Variants in XRN1 observed in about 807,000 individuals in gnomAD.
XRN1 encodes 5'-3' exoribonuclease 1.
A neutral mutation model predicts 222.3 loss-of-function variants in XRN1; 67 were observed. The observed-to-expected ratio is 0.30, with a 90% CI of 0.25 to 0.37. XRN1 has a LOEUF of 0.37. Among genes scored for constraint, XRN1 ranks in the 10% least tolerant of loss-of-function variants. XRN1 has a pLI of 1.00. For synonymous variants in XRN1, 643 were observed against 652.4 expected, an observed-to-expected ratio of 0.99 and a Z score of 0.22; for missense variants, 1,707 against 2,000.2, an observed-to-expected ratio of 0.85 and a Z score of 2.80.
At chr3:142,355,892 C>T (rs1394523533) in intron 31 of XRN1, among the ~76,000 whole-genome samples, 1 of 152,088 alleles carries the variant, frequency 6.6e-6, no homozygotes, top group Admixed American at 6.6e-5. Flanking sequence ...GTTGGGGTTA[C>T]AGATGTGAGC....
Position 142,380,119 on chromosome 3 carries a change from C to T in XRN1, c.2678G>A (p.Cys893Tyr). 1 of 1,613,912 alleles carries T rather than the reference C, an allele frequency of 6.2e-7. No individual in the cohort carries two copies. The highest frequency in any genetic ancestry group is 1.3e-5 in the African/African-American group (1 of 75,022). ...GRIRVIFSIP[C>Y]EPNLDALIQN... ...TATTAAAGCATCAAGATTGGGTTCA[C>T]ATGGAATGCTGAAAATCACACGAAT... The change falls in exon 23 of 41, where the codon TGT becomes TAT. Residue 893 changes from cysteine to tyrosine, a missense_variant. By Grantham distance (194) the Cys-to-Tyr change is radical. Coordinates refer to ENST00000392981, the MANE Select transcript of XRN1 (RefSeq NM_001282857.2).
chr3:142,318,567 T>C (rs1202008897), intron 39 of XRN1, 25 bp downstream of exon 39: 14 of 1,555,836 alleles, frequency 9.0e-6, no homozygotes, highest in Non-Finnish European at 1.2e-5. Flanking sequence ...CAATGACAAA[T>C]ACTTATAAAT....
At chr3:142,429,656 A>G (rs988365302) in intron 2 of XRN1, 2 of 152,230 alleles carry the variant, frequency 1.3e-5, no homozygotes, top group Non-Finnish European at 2.9e-5. Flanking sequence ...GTTATAATGC[A>G]TTGGCCCTCA....
At position 142,432,211 on chromosome 3, in the gene XRN1, A is replaced by AATTATATATAAAATTT. The variant is rs1559880735; in HGVS notation, c.308+449_308+450insAAATTTTATATATAAT. Among the ~76,000 whole-genome samples the AATTATATATAAAATTT allele has an allele frequency of 2.2e-4, 22 of 100,560 alleles. 1 individual carries two copies. Among genetic ancestry groups the AATTATATATAAAATTT allele is most frequent in the African/African-American group, 8.8e-4 (22 of 24,862 alleles). 66.0% of individuals were successfully genotyped at this position (100,560 alleles called of 152,430 possible). ...TATAAAATTTATTTTATATATAATT[A>AATTATATATAAAATTT]ATTATATATATAATTAATTATATAT... On this transcript the variant is annotated intron_variant, in intron 2 of 40. Transcript: ENST00000392981.
chr3:142,337,143 C>T (rs2065872577), intron 33 of XRN1, among the ~76,000 whole-genome samples: 1 of 152,108 alleles, frequency 6.6e-6, no homozygotes, highest in South Asian at 2.1e-4. Context: ...ATTTCCTCTA[C>T]TGGAAAGTTC....
intron 39 of XRN1, among the ~76,000 whole-genome samples, chr3:142,316,214 C>CTTTTTTTTTTTTTT (rs377522108): frequency 8.9e-6 from 1 of 111,842 alleles, no homozygotes; most frequent in African/African-American, 3.4e-5. Context: ...TCATTATCTT[C>CTTTTTTTTTTTTTT]TTTTTTTTTT....
In XRN1 at chr3:142,441,337, T is replaced by A. The variant is rs561540223; in HGVS notation, c.75+6533A>T. 6.6e-5 allele frequency among the ~76,000 whole-genome samples: 10 copies of A among 152,318 alleles called. No homozygotes were observed. In the South Asian group the frequency reaches 2.1e-3, roughly 32 times the overall value. On this transcript the variant is annotated intron_variant, in intron 1 of 40. Coordinates refer to ENST00000392981, the MANE Select transcript of XRN1 (RefSeq NM_001282857.2). ...GAAAGCCAATACCCATTTAGTAAGATGGACACCTGAAGCAGAAGTGGCTTT... is the reference window on the plus strand; with the variant it reads ...GAAAGCCAATACCCATTTAGTAAGAAGGACACCTGAAGCAGAAGTGGCTTT...
intron 15 of XRN1, among the ~76,000 whole-genome samples, chr3:142,412,328 C>T (rs994497192): frequency 4.6e-5 from 7 of 152,090 alleles, no homozygotes; most frequent in African/African-American, 1.7e-4. Flanking sequence ...TAATATTACT[C>T]CTTGTTCTGA....
chr3:142,360,320 A>C (rs368279942), intron 29 of XRN1, among the ~76,000 whole-genome samples: 2 of 152,274 alleles, frequency 1.3e-5, no homozygotes, highest in East Asian at 3.9e-4. Context: ...TTTTCTTTCA[A>C]CATTATATTT....
chr3:142,326,924 G>A (rs1161104190), intron 37 of XRN1, among the ~76,000 whole-genome samples: 1 of 151,998 alleles, frequency 6.6e-6, no homozygotes, highest in Non-Finnish European at 1.5e-5. Flanking sequence ...CACAGTTATT[G>A]ACTGCATATA....
rs989056836 is a variant in XRN1 at position 142,400,499 on chromosome 3, T to C, written c.2152A>G (p.Asn718Asp). 8 of 1,611,928 alleles carry C rather than the reference T, an allele frequency of 5.0e-6. No homozygotes were observed. Among genetic ancestry groups the C allele is most frequent in the Non-Finnish European group, 6.8e-6 (8 of 1,178,934 alleles). ...CTAGCTTCCTCAAGGTGAGGCCAAT[T>C]AACAAAGACAGATTTTCCAAGCACT... ...SSVLGKSVFV[N>D]WPHLEEARVV... The change falls in exon 19 of 41, where the codon AAT (asparagine) becomes GAT (aspartate). Residue 718 changes from asparagine to aspartate, a missense_variant. Asn to Asp is a conservative substitution (Grantham distance 23). Around this residue, in one of 2 missense-constraint regions of XRN1, gnomAD observed 1,234 missense variants for 1,518.2 expected, o/e 0.81. Coordinates refer to ENST00000392981, the MANE Select transcript of XRN1 (RefSeq NM_001282857.2).
At chr3:142,417,303 G>T in intron 12 of XRN1, 74 bp from the exon 13 acceptor site, 1 of 1,176,870 alleles carries the variant, frequency 8.5e-7, no homozygotes, top group South Asian at 1.5e-5. Context: ...GGTATCTGCT[G>T]ATACAACATT....
At position 142,405,072 on chromosome 3, in the gene XRN1, C is replaced by T. The variant is rs191278933; in HGVS notation, c.1718G>A (p.Arg573Gln). The T allele has an allele frequency of 1.8e-4, 292 of 1,613,726 alleles. 2 individuals carry two copies. In the East Asian group the frequency reaches 5.6e-3, roughly 31 times the overall value. The change falls in exon 16 of 41, where the codon CGA (arginine) becomes CAA (glutamine). Residue 573 changes from arginine (R) to glutamine (Q), a missense_variant. Around this residue, in one of 2 missense-constraint regions of XRN1, gnomAD observed 1,234 missense variants for 1,518.2 expected, o/e 0.81. Coordinates refer to ENST00000392981, the MANE Select transcript of XRN1 (RefSeq NM_001282857.2). ...VVLIPFIDEK[R>Q]LLEAMETCNH... ...ACATGTCTCCATGGCTTCCAATAATCGCTTCTGAATATAAGGATTGAAGAG... is the reference window on the plus strand; with the variant it reads ...ACATGTCTCCATGGCTTCCAATAATTGCTTCTGAATATAAGGATTGAAGAG...
At chr3:142,430,421 T>C (rs1288674015) in intron 2 of XRN1, among the ~76,000 whole-genome samples, 1 of 152,208 alleles carries the variant, frequency 6.6e-6, no homozygotes, top group Non-Finnish European at 1.5e-5. Context: ...CAGGGGAGTA[T>C]GGTAAAAAAT....
At chr3:142,373,256 T>C (rs2067040581) in intron 25 of XRN1, among the ~76,000 whole-genome samples, 1 of 151,856 alleles carries the variant, frequency 6.6e-6, no homozygotes, top group Non-Finnish European at 1.5e-5. Context: ...CAAATAGAAA[T>C]TTTAAATGAT....
At chr3:142,416,274 C>A (rs1412135710) in intron 13 of XRN1, among the ~76,000 whole-genome samples, 13 of 152,058 alleles carry the variant, frequency 8.5e-5, no homozygotes, top group African/African-American at 2.9e-4. Flanking sequence ...CCTCTGCCTC[C>A]AAAGTTCAAG....
chr3:142,347,448 A>G, intron 32 of XRN1, 106 bp from the exon 33 acceptor site: 2 of 731,072 alleles, frequency 2.7e-6, no homozygotes, highest in East Asian at 6.2e-5. Context: ...ATAGTTCCTT[A>G]GAAAAAAACT....
At chr3:142,384,311 T>C (rs557143952) in intron 21 of XRN1, among the ~76,000 whole-genome samples, 1 of 148,994 alleles carries the variant, frequency 6.7e-6, no homozygotes, top group African/African-American at 2.5e-5. Flanking sequence ...TACGAAAGCA[T>C]AAAAGACAAG....
At chr3:142,338,287 G>A (rs1206964724) in intron 33 of XRN1, among the ~76,000 whole-genome samples, 1 of 152,182 alleles carries the variant, frequency 6.6e-6, no homozygotes, top group East Asian at 1.9e-4. Context: ...ACTCAGGCTT[G>A]TGTCAGAGTC....
Sources: gnomAD v4.1 joint callset for allele counts (sites outside exome capture counted in the v4.1 genomes callset) on GRCh38, gnomAD v4.1.1 for gene constraint, gnomAD v4.1.1 regional missense constraint, MANE v1.5 for transcripts, NCBI Gene and HGNC (gene_info 2026-07-23, HGNC 2026-07-21) for gene names.